The following ARL15 variants were observed in gnomAD, a reference collection of about 807,000 sequenced individuals.
ARL15 encodes the protein ADP-ribosylation factor-like protein 15.
In ARL15, 19 loss-of-function variants were observed where a neutral mutation model predicts 25.2. That is an observed-to-expected ratio of 0.75 (90% CI 0.53 to 1.10). The LOEUF is 1.10. Ranked by LOEUF, ARL15 falls within the 50% of genes least tolerant of loss-of-function variation. The pLI is 0.00. For missense variants in ARL15, 220 were observed against 246.0 expected (o/e 0.89, Z 0.71); for synonymous variants, 94 against 86.8 (o/e 1.08, Z -0.46).
At chr5:53,916,521 G>A (rs1457084632) in intron 4 of ARL15, among the ~76,000 whole-genome samples, 2 of 152,054 alleles carry the variant, frequency 1.3e-5, no homozygotes, top group Non-Finnish European at 1.5e-5. Context: ...AAGTTGGGGG[G>A]AAAGAAAGAA....
At chr5:54,159,697 A>G (rs1327625552) in intron 2 of ARL15, among the ~76,000 whole-genome samples, 1 of 152,228 alleles carries the variant, frequency 6.6e-6, no homozygotes, top group Non-Finnish European at 1.5e-5. Flanking sequence ...TATCTAAGCT[A>G]CATTAGTAAG....
At chr5:53,887,317 C>G (rs2111880104) in intron 4 of ARL15, 2 of 697,408 alleles carry the variant, frequency 2.9e-6, no homozygotes, top group South Asian at 3.0e-5. Context: ...CATATACACA[C>G]TTACATAAAT....
At chr5:54,216,385 C>T (rs13436490) in intron 1 of ARL15, among the ~76,000 whole-genome samples, 1,671 of 152,234 alleles carry the variant, frequency 0.011, 24 homozygotes, top group African/African-American at 0.038. Flanking sequence ...TCTAAAGTAA[C>T]TTTGACTCAT....
intron 1 of ARL15, among the ~76,000 whole-genome samples, chr5:54,172,519 A>G (rs1228835747): frequency 6.6e-6 from 1 of 152,170 alleles, no homozygotes; most frequent in South Asian, 2.1e-4. Context: ...AAATTTCCTG[A>G]ATTTAATCAA....
At chr5:54,156,162 G>C (rs144765997) in intron 2 of ARL15, among the ~76,000 whole-genome samples, 1 of 152,208 alleles carries the variant, frequency 6.6e-6, no homozygotes, top group African/African-American at 2.4e-5. Context: ...GCACTTCTTT[G>C]CTGCATGTTA....
At chr5:54,005,517 A>G (rs1273758561) in intron 4 of ARL15, among the ~76,000 whole-genome samples, 1 of 151,792 alleles carries the variant, frequency 6.6e-6, no homozygotes, top group Non-Finnish European at 1.5e-5. Flanking sequence ...AGGTCAGGAG[A>G]TCAGGAGTTC....
intron 4 of ARL15, among the ~76,000 whole-genome samples, chr5:54,001,446 C>T (rs987333728): frequency 5.3e-5 from 8 of 152,182 alleles, no homozygotes; most frequent in African/African-American, 1.7e-4. Context: ...CTTTTCAAAA[C>T]TTCAAAATCT....
At chr5:53,932,382 T>C (rs963673044) in intron 4 of ARL15, among the ~76,000 whole-genome samples, 20 of 152,208 alleles carry the variant, frequency 1.3e-4, no homozygotes, top group Non-Finnish European at 2.6e-4. Context: ...CCCCTAGCCC[T>C]GCCAACAGCT....
chr5:53,907,481 T>TATAC (rs1444909809), intron 4 of ARL15, among the ~76,000 whole-genome samples: 6 of 35,052 alleles, frequency 1.7e-4, no homozygotes, highest in African/African-American at 8.0e-4. Context: ...TATATATATA[T>TATAC]ATATATATTT....
intron 4 of ARL15, among the ~76,000 whole-genome samples, chr5:53,972,623 A>G (rs1443250567): frequency 1.3e-5 from 2 of 152,170 alleles, no homozygotes; most frequent in Non-Finnish European, 2.9e-5. Context: ...GTCCAAACTA[A>G]TATAAAACAT....
chr5:53,926,044 C>T (rs1306680383), intron 4 of ARL15, among the ~76,000 whole-genome samples: 1 of 128,540 alleles, frequency 7.8e-6, no homozygotes, highest in Non-Finnish European at 1.6e-5. Context: ...GAAATAAAGA[C>T]ATTTTAAAAA....
chr5:54,077,004 T>G (rs112587718), intron 4 of ARL15, among the ~76,000 whole-genome samples: 1 of 152,206 alleles, frequency 6.6e-6, no homozygotes, highest in Admixed American at 6.5e-5. Flanking sequence ...ACATCTTCTA[T>G]GCTACGCAGG....
intron 4 of ARL15, among the ~76,000 whole-genome samples, chr5:53,966,056 T>C (rs927179208): frequency 1.3e-5 from 2 of 152,192 alleles, no homozygotes; most frequent in African/African-American, 4.8e-5. Context: ...CTTTTTGGTA[T>C]ACTAATGTTG....
intron 4 of ARL15, among the ~76,000 whole-genome samples, chr5:54,106,263 GT>G (rs1360926107): frequency 2.6e-5 from 4 of 152,146 alleles, no homozygotes; most frequent in Non-Finnish European, 4.4e-5. Context: ...AACAGGTCAG[GT>G]TTGGTGTTTC....
Position 53,887,303 on chromosome 5 carries a change from T to C in ARL15, c.463-590A>G, listed in dbSNP as rs1744562107. On this transcript the variant is annotated intron_variant, in intron 4 of 4. Transcript: ENST00000504924. ...TAGAAACTGCATGTATGTATGTTTGTATGCATATACACACTTACATAAATT... is the reference window on the plus strand; with the variant it reads ...TAGAAACTGCATGTATGTATGTTTGCATGCATATACACACTTACATAAATT... 4.4e-6 allele frequency: 3 copies of C among 688,994 alleles called. No individual in the cohort carries two copies. The Admixed American group carries it at 6.2e-5, about 14-fold the overall frequency. The allele number at this position is 688,994 out of a possible 1,614,324, so 42.7% of individuals were successfully genotyped here.
chr5:53,890,273 C>T (rs1744670417), intron 4 of ARL15, among the ~76,000 whole-genome samples: 1 of 151,830 alleles, frequency 6.6e-6, no homozygotes, highest in African/African-American at 2.4e-5. Flanking sequence ...TAGTGTTTAA[C>T]TTTGAACAAC....
intron 4 of ARL15, among the ~76,000 whole-genome samples, chr5:54,058,163 G>A (rs1750946526): frequency 6.6e-6 from 1 of 151,826 alleles, no homozygotes; most frequent in South Asian, 2.1e-4. Context: ...CTGCCACCAT[G>A]CTCAGTTAAT....
At chr5:54,152,580 G>T (rs1181429635) in intron 3 of ARL15, among the ~76,000 whole-genome samples, 1 of 152,106 alleles carries the variant, frequency 6.6e-6, no homozygotes, top group Admixed American at 6.6e-5. Context: ...GAAAGTAAAA[G>T]AATCTATGCA....
At chr5:54,209,418 G>T (rs192937027) in intron 1 of ARL15, among the ~76,000 whole-genome samples, 1 of 151,946 alleles carries the variant, frequency 6.6e-6, no homozygotes, top group Non-Finnish European at 1.5e-5. Context: ...GGCATTTGAA[G>T]GGAGGGAAGG....
Sources: gnomAD v4.1 joint callset for allele counts (sites outside exome capture counted in the v4.1 genomes callset) on GRCh38, gnomAD v4.1.1 for gene constraint, MANE v1.5 for transcripts, NCBI Gene and HGNC (gene_info 2026-07-23, HGNC 2026-07-21) for gene names.